Variants in CAMTA1 observed in about 807,000 individuals in gnomAD.
CAMTA1 encodes the protein calmodulin binding transcription activator 1, also known as calmodulin-binding transcription activator 1.
Under a neutral mutation model 170.9 loss-of-function variants are expected in CAMTA1, and 27 were observed. The observed-to-expected ratio is 0.16, with a 90% CI of 0.12 to 0.22. The LOEUF (loss-of-function observed/expected upper bound fraction) is 0.22. Among genes scored for constraint, CAMTA1 ranks in the 10% least tolerant of loss-of-function variants. The pLI is 1.00. For missense variants in CAMTA1, 1,619 were observed against 2,217.2 expected (o/e 0.73, Z 5.42); for synonymous variants, 833 against 891.5 (o/e 0.93, Z 1.17).
intron 3 of CAMTA1, among the ~76,000 whole-genome samples, chr1:6,856,303 G>A (rs1662348905): frequency 6.8e-6 from 1 of 146,628 alleles, no homozygotes; most frequent in South Asian, 2.2e-4. Flanking sequence ...CTCTGTGACA[G>A]ATAGAATTAT....
rs1206462906 is a variant in CAMTA1 at position 7,010,580 on chromosome 1, C to T, written c.235-80724C>T. Among the ~76,000 whole-genome samples, 2 of 152,154 alleles carry T rather than the reference C, an allele frequency of 1.3e-5. No individual in the cohort carries two copies. The highest frequency in any genetic ancestry group is 6.5e-5 in the Admixed American group (1 of 15,280). ...GACCCACTACTGACCAGCTGGGTGA[C>T]GTTTCATTATCCATAACATAGAGAA... On this transcript the variant is annotated intron_variant, in intron 3 of 22. Coordinates refer to ENST00000303635, the MANE Select transcript of CAMTA1 (RefSeq NM_015215.4). This position sits in a 1 kb window ranked among gnomAD's most constrained non-coding sequence, Gnocchi z 4.4.
At chr1:7,512,101 G>A (rs1450490238) in intron 6 of CAMTA1, among the ~76,000 whole-genome samples, 1 of 152,180 alleles carries the variant, frequency 6.6e-6, no homozygotes, top group Non-Finnish European at 1.5e-5. Context: ...CAAGCTGTCA[G>A]CTCATGAAAG....
At chr1:7,613,790 G>A (rs1171384821) in intron 6 of CAMTA1, among the ~76,000 whole-genome samples, 1 of 150,314 alleles carries the variant, frequency 6.7e-6, no homozygotes, top group African/African-American at 2.5e-5. Context: ...GTGGGTGGGA[G>A]CAGAGCGATG....
In CAMTA1 at chr1:7,462,663, A is replaced by G. The variant is rs796266239; in HGVS notation, c.439-5167A>G. Reference sequence around the variant, plus strand: ...ACTCATGACACTTGAAAATCATCTGAATTCAGATTTCTGTGTCCGTGGTAG... The same window carrying G: ...ACTCATGACACTTGAAAATCATCTGGATTCAGATTTCTGTGTCCGTGGTAG... On this transcript the variant is annotated intron_variant, in intron 5 of 22. Transcript: ENST00000303635. Among the ~76,000 whole-genome samples the G allele has an allele frequency of 5.9e-5, 9 of 152,176 alleles. 1 individual carries two copies. The highest frequency in any genetic ancestry group is 2.2e-4 in the African/African-American group (9 of 41,518).
chr1:6,981,876 A>G (rs1431285265), intron 3 of CAMTA1, among the ~76,000 whole-genome samples: 1 of 151,966 alleles, frequency 6.6e-6, no homozygotes, highest in African/African-American at 2.4e-5. Flanking sequence ...TAACAGGTGC[A>G]CACCACCATG....
At chr1:7,442,935 T>C (rs543625249) in intron 5 of CAMTA1, among the ~76,000 whole-genome samples, 1 of 152,318 alleles carries the variant, frequency 6.6e-6, no homozygotes, top group East Asian at 1.9e-4. Flanking sequence ...GACACAGTGC[T>C]ACTGCCCTGG....
At chr1:7,473,269 G>C (rs559795270) in intron 6 of CAMTA1, among the ~76,000 whole-genome samples, 86 of 152,318 alleles carry the variant, frequency 5.6e-4, no homozygotes, top group African/African-American at 1.9e-3. Context: ...GAGCCCTGCA[G>C]AGTTAGCCAG....
At chr1:7,688,011 CTT>C (rs70987364) in intron 11 of CAMTA1, among the ~76,000 whole-genome samples, 10 of 103,260 alleles carry the variant, frequency 9.7e-5, no homozygotes, top group Admixed American at 2.1e-4. Context: ...CTCATTATTC[CTT>C]TTTTTTTTTT....
rs1412540769 is a variant in CAMTA1 at position 7,107,259 on chromosome 1, C to CATGTGT, written c.302+15895_302+15900dup. 2.7e-5 allele frequency among the ~76,000 whole-genome samples: 3 copies of CATGTGT among 110,076 alleles called. No individual in the cohort carries two copies. The South Asian group carries it at 1.0e-3, about 37-fold the overall frequency. 72.2% of individuals were successfully genotyped at this position (110,076 alleles called of 152,430 possible). On this transcript the variant is annotated intron_variant, in intron 4 of 22. Transcript: ENST00000303635. ...CACGCAGGAGAGCCTGGTGTGTGTG[C>CATGTGT]ATGTGTATGTGTGTGTGCATGTGTG...
intron 3 of CAMTA1, among the ~76,000 whole-genome samples, chr1:6,888,936 T>C (rs1673926816): frequency 6.6e-6 from 1 of 152,188 alleles, no homozygotes; most frequent in Non-Finnish European, 1.5e-5. Context: ...TAACGAATTG[T>C]TTAAAGAACT....
rs1221128980 is a variant in CAMTA1 at position 7,370,951 on chromosome 1, G to A, written c.439-96879G>A. Among the ~76,000 whole-genome samples the A allele has an allele frequency of 1.8e-4, 20 of 110,904 alleles. 2 individuals are homozygous for A. The highest frequency in any genetic ancestry group is 3.0e-4 in the East Asian group (1 of 3,374). 72.8% of individuals were successfully genotyped at this position (110,904 alleles called of 152,430 possible). On this transcript the variant is annotated intron_variant, in intron 5 of 22. Transcript: ENST00000303635. ...TTTTGAGACGGAGTCTCACTCTGTC[G>A]CCCAGGCTGGAGTGCAGTGGCGCGA...
chr1:7,643,105 C>T (rs1156631154), intron 7 of CAMTA1, among the ~76,000 whole-genome samples: 1 of 150,750 alleles, frequency 6.6e-6, no homozygotes, highest in Non-Finnish European at 1.5e-5. Context: ...GCTTCTGAAG[C>T]TCCTCCCACC....
chr1:6,851,494 G>A (rs1271576424), intron 3 of CAMTA1, among the ~76,000 whole-genome samples: 1 of 152,196 alleles, frequency 6.6e-6, no homozygotes, highest in African/African-American at 2.4e-5. Context: ...TTGGAGTGAT[G>A]ATAGCTGAGA....
chr1:7,355,324 G>A (rs1212245468), intron 5 of CAMTA1, among the ~76,000 whole-genome samples: 1 of 151,932 alleles, frequency 6.6e-6, no homozygotes, highest in Non-Finnish European at 1.5e-5. Flanking sequence ...GGTCAAGGCT[G>A]CAGTGAGTTG....
chr1:7,261,300 G>A (rs769260445), intron 5 of CAMTA1, among the ~76,000 whole-genome samples: 27 of 152,224 alleles, frequency 1.8e-4, no homozygotes, highest in African/African-American at 6.3e-4. Flanking sequence ...CCATGGTTTT[G>A]TGTTTCTATT....
rs968307641 is a variant in CAMTA1 at position 7,768,373 on chromosome 1, A to G, written c.*1882A>G. The G allele has an allele frequency of 3.3e-5, 5 of 152,820 alleles. No individual in the cohort carries two copies. 9.5% of individuals were successfully genotyped at this position (152,820 alleles called of 1,614,324 possible). ...AATAAAGTTCGTATTTGCTGATGCC[A>G]GTTTAAAATTCCCAGGTTACGTCTG... On this transcript the variant is annotated 3_prime_UTR_variant, in exon 23 of 23. Transcript: ENST00000303635.
At chr1:7,522,882 TG>T (rs1192911117) in intron 6 of CAMTA1, among the ~76,000 whole-genome samples, 3 of 152,226 alleles carry the variant, frequency 2.0e-5, no homozygotes, top group African/African-American at 7.2e-5. Context: ...TTTGGTTTTT[TG>T]AGACAGGAGC....
At chr1:7,062,071 C>T (rs1386335702) in intron 3 of CAMTA1, among the ~76,000 whole-genome samples, 1 of 152,054 alleles carries the variant, frequency 6.6e-6, no homozygotes, top group Non-Finnish European at 1.5e-5. Context: ...GCGCCCGCCA[C>T]CACGCACGGC....
chr1:7,514,185 G>C (rs1355985512), intron 6 of CAMTA1, among the ~76,000 whole-genome samples: 2 of 152,236 alleles, frequency 1.3e-5, no homozygotes, highest in African/African-American at 2.4e-5. Flanking sequence ...ATCTGGCTCA[G>C]ATCTCCATGC....
Sources: gnomAD v4.1 joint callset for allele counts (sites outside exome capture counted in the v4.1 genomes callset) on GRCh38, gnomAD v4.1.1 for gene constraint, Gnocchi (gnomAD v3.1) non-coding constraint, MANE v1.5 for transcripts, NCBI Gene and HGNC (gene_info 2026-07-23, HGNC 2026-07-21) for gene names.